ATXN7L1: variants seen among roughly 807,000 people sequenced by gnomAD.
ATXN7L1 encodes ataxin 7 like 1.
In ATXN7L1, 15 loss-of-function variants were observed where a neutral mutation model predicts 70.8. The observed-to-expected ratio is 0.21, with a 90% confidence interval of 0.14 to 0.33. The LOEUF (loss-of-function observed/expected upper bound fraction) is 0.33, where lower values mean the gene tolerates loss of function less well. ATXN7L1 is among the 10% of genes least tolerant of loss of function. The pLI is 1.00. For synonymous variants in ATXN7L1, 440 were observed against 445.1 expected (o/e 0.99, Z 0.14); for missense variants, 975 against 1,097.1 (o/e 0.89, Z 1.57).
At chr7:105,776,978 C>T (rs887654094) in intron 3 of ATXN7L1, among the ~76,000 whole-genome samples, 1 of 152,114 alleles carries the variant, frequency 6.6e-6, no homozygotes, top group Admixed American at 6.5e-5. Flanking sequence ...CCATGTTGGC[C>T]AGGCTGGTCT....
chr7:105,852,725 G>A (rs531784550), intron 2 of ATXN7L1, among the ~76,000 whole-genome samples: 14 of 151,590 alleles, frequency 9.2e-5, no homozygotes, highest in African/African-American at 2.9e-4. Context: ...TGTTTGACCC[G>A]CTCACAGATA....
intron 3 of ATXN7L1, among the ~76,000 whole-genome samples, chr7:105,698,885 G>A (rs369953333): frequency 6.6e-6 from 1 of 150,564 alleles, no homozygotes; most frequent in Non-Finnish European, 1.5e-5. Context: ...TGTTTTGCAT[G>A]AACAAATGAA....
intron 3 of ATXN7L1, among the ~76,000 whole-genome samples, chr7:105,711,231 A>C (rs573298120): frequency 7.5e-4 from 114 of 152,074 alleles, no homozygotes; most frequent in South Asian, 1.5e-3. Context: ...ATTCAACATG[A>C]GATTTGGATG....
chr7:105,787,761 T>C (rs938242572), intron 3 of ATXN7L1, among the ~76,000 whole-genome samples: 1 of 152,182 alleles, frequency 6.6e-6, no homozygotes, highest in Admixed American at 6.5e-5. Flanking sequence ...CTTCGAAACC[T>C]TAATGGTAAG....
rs60665360 is a variant in ATXN7L1, at chr7:105,609,320, C to T, written c.2547+1209G>A. Among the ~76,000 whole-genome samples, 294 of 152,078 alleles carry T rather than the reference C, an allele frequency of 1.9e-3. 2 individuals are homozygous for T. Among genetic ancestry groups the T allele is most frequent in the African/African-American group, 6.8e-3 (281 of 41,446 alleles). ...GAGTAGCTGGGATTACAGGTGCGCA[C>T]CACCATGCCCAGCTAATTTTGCATT... On this transcript the variant is annotated intron_variant, in intron 11 of 11. Transcript: ENST00000419735.
At chr7:105,609,779 A>G (rs574506866) in intron 11 of ATXN7L1, among the ~76,000 whole-genome samples, 4 of 150,312 alleles carry the variant, frequency 2.7e-5, no homozygotes, top group East Asian at 2.0e-4. Flanking sequence ...CTTTTTTACA[A>G]TTTTTTTCTT....
At chr7:105,618,530 AG>A in intron 9 of ATXN7L1, among the ~76,000 whole-genome samples, 1 of 152,284 alleles carries the variant, frequency 6.6e-6, no homozygotes, top group South Asian at 2.1e-4. Context: ...GAAGCTCTTT[AG>A]GCTTCCAGAA....
At chr7:105,874,455 T>C (rs1818730939) in intron 2 of ATXN7L1, among the ~76,000 whole-genome samples, 1 of 152,192 alleles carries the variant, frequency 6.6e-6, no homozygotes, top group African/African-American at 2.4e-5. Flanking sequence ...CCAACACACA[T>C]GAACATTTAA....
intron 3 of ATXN7L1, among the ~76,000 whole-genome samples, chr7:105,665,643 T>C (rs1402378959): frequency 6.6e-6 from 1 of 152,090 alleles, no homozygotes; most frequent in Non-Finnish European, 1.5e-5. Flanking sequence ...CCAAAGCAAT[T>C]CCTAGACAGC....
chr7:105,761,694 A>AG (rs1203965301), intron 3 of ATXN7L1, among the ~76,000 whole-genome samples: 1 of 152,148 alleles, frequency 6.6e-6, no homozygotes, highest in Non-Finnish European at 1.5e-5. Context: ...AAGCAGTTTC[A>AG]GGGGGAATGG....
intron 3 of ATXN7L1, among the ~76,000 whole-genome samples, chr7:105,698,336 A>G (rs1332754833): frequency 6.6e-6 from 1 of 152,042 alleles, no homozygotes; most frequent in Non-Finnish European, 1.5e-5. Context: ...TTTTGCATCG[A>G]TGGGGCTACA....
intron 2 of ATXN7L1, among the ~76,000 whole-genome samples, chr7:105,859,884 G>C (rs1816313131): frequency 6.7e-6 from 1 of 148,898 alleles, no homozygotes; most frequent in Admixed American, 6.8e-5. Flanking sequence ...CTGGGCTCAA[G>C]CATTTCTCCC....
At chr7:105,733,952 CCAT>C in intron 3 of ATXN7L1, among the ~76,000 whole-genome samples, 1 of 134,198 alleles carries the variant, frequency 7.5e-6, no homozygotes, top group Non-Finnish European at 1.6e-5. Context: ...ATCCATCCAT[CCAT>C]CCATCCATCC....
chr7:105,693,115 T>C (rs375661419), intron 3 of ATXN7L1, among the ~76,000 whole-genome samples: 2 of 152,192 alleles, frequency 1.3e-5, no homozygotes, highest in Non-Finnish European at 2.9e-5. Flanking sequence ...ATTAACCAAA[T>C]AAAATTTTAG....
chr7:105,662,254 C>G (rs1252902108), intron 4 of ATXN7L1, among the ~76,000 whole-genome samples: 1 of 151,970 alleles, frequency 6.6e-6, no homozygotes, highest in Non-Finnish European at 1.5e-5. Context: ...AGGTGTGTGC[C>G]ACCACGCCTG....
chr7:105,821,321 GAGC>G (rs1810129175), intron 2 of ATXN7L1, among the ~76,000 whole-genome samples: 1 of 152,230 alleles, frequency 6.6e-6, no homozygotes, highest in Non-Finnish European at 1.5e-5. Context: ...TTACAGGCGT[GAGC>G]CACCACGCCT....
chr7:105,851,767 A>T (rs578069420), intron 2 of ATXN7L1, among the ~76,000 whole-genome samples: 32 of 152,278 alleles, frequency 2.1e-4, no homozygotes, highest in Admixed American at 2.1e-3. Flanking sequence ...GGAAAAGGAA[A>T]AACCACAGAA....
At chr7:105,730,560 G>A (rs1383652689) in intron 3 of ATXN7L1, among the ~76,000 whole-genome samples, 6 of 151,818 alleles carry the variant, frequency 4.0e-5, no homozygotes, top group Admixed American at 6.6e-5. Context: ...GTGAAATCCC[G>A]TCTCTACTAA....
At position 105,639,471 on chromosome 7, in the gene ATXN7L1, A is replaced by G. The variant is rs904317331; in HGVS notation, c.945+16T>C. On this transcript the variant is annotated intron_variant, in intron 6 of 11. Transcript: ENST00000419735. ...CCAGCGAGAGCAGGAAGTATTTTTT[A>G]TGGAAAGAGAAATACCTTGCAGGTG... The G allele has an allele frequency of 1.9e-6, 3 of 1,542,176 alleles. No homozygotes were observed. In the African/African-American group the frequency reaches 4.1e-5, roughly 21 times the overall value.
Sources: gnomAD v4.1 joint callset for allele counts (sites outside exome capture counted in the v4.1 genomes callset) on GRCh38, gnomAD v4.1.1 for gene constraint, MANE v1.5 for transcripts, NCBI Gene and HGNC (gene_info 2026-07-23, HGNC 2026-07-21) for gene names.